Variants in IQCB1 observed in about 807,000 individuals in gnomAD.
The protein encoded by IQCB1 is IQ motif containing B1.
IQCB1 carries 56 observed loss-of-function variants against 84.4 expected under a neutral mutation model. The observed-to-expected ratio is 0.66, with a 90% CI of 0.54 to 0.83. The LOEUF (loss-of-function observed/expected upper bound fraction) is 0.83. Ranked by LOEUF, IQCB1 falls within the 40% of genes least tolerant of loss-of-function variation. IQCB1 has a pLI of 0.00. For synonymous variants in IQCB1, 210 were observed against 234.8 expected, an observed-to-expected ratio of 0.89 and a Z score of 0.96; for missense variants, 629 against 682.1, an observed-to-expected ratio of 0.92 and a Z score of 0.87.
rs187562809 is a variant in IQCB1 at position 121,829,493 on chromosome 3, C to A, written c.-12-521G>T. On this transcript the variant is annotated intron_variant, in intron 2 of 14. Transcript: ENST00000310864. ...TTTATGAAAAACAATGTGGTTCATG[C>A]TGAATACCCGCCTTCCTTCCAGGAG... Among the ~76,000 whole-genome samples, 3 of 152,326 alleles carry A rather than the reference C, an allele frequency of 2.0e-5. No homozygotes were observed. In the East Asian group the frequency reaches 5.8e-4, roughly 29 times the overall value.
intron 12 of IQCB1, among the ~76,000 whole-genome samples, chr3:121,783,637 T>A (rs1948593322): frequency 1.3e-5 from 2 of 152,216 alleles, no homozygotes; most frequent in Admixed American, 1.3e-4. Context: ...AGCCATTCTA[T>A]CAAATTCATT....
At chr3:121,808,612 A>G (rs569389171) in intron 6 of IQCB1, among the ~76,000 whole-genome samples, 1 of 152,136 alleles carries the variant, frequency 6.6e-6, no homozygotes, top group South Asian at 2.1e-4. Flanking sequence ...TTTTAAACTT[A>G]AAAGTTATTT....
intron 13 of IQCB1, among the ~76,000 whole-genome samples, chr3:121,777,630 T>C (rs922431655): frequency 9.9e-5 from 15 of 152,210 alleles, no homozygotes; most frequent in Non-Finnish European, 2.2e-4. Context: ...CTGGTATCTT[T>C]TCCTGGCATC....
intron 5 of IQCB1, among the ~76,000 whole-genome samples, chr3:121,820,564 C>T (rs1290886234): frequency 6.6e-6 from 1 of 152,202 alleles, no homozygotes; most frequent in African/African-American, 2.4e-5. Flanking sequence ...CTCAATCCAA[C>T]TTCAATTCCA....
chr3:121,824,713 T>C (rs1950400363), intron 5 of IQCB1, among the ~76,000 whole-genome samples: 1 of 151,964 alleles, frequency 6.6e-6, no homozygotes, highest in Non-Finnish European at 1.5e-5. Context: ...CAGAGCTTTG[T>C]AATACATGAA....
At chr3:121,829,198 G>T (rs1358041309) in intron 2 of IQCB1, among the ~76,000 whole-genome samples, 1 of 152,154 alleles carries the variant, frequency 6.6e-6, no homozygotes, top group East Asian at 1.9e-4. Flanking sequence ...GCTATAGCAG[G>T]TATTGTTTAT....
At chr3:121,819,684 T>G (rs1174569033) in intron 5 of IQCB1, among the ~76,000 whole-genome samples, 1 of 152,156 alleles carries the variant, frequency 6.6e-6, no homozygotes, top group African/African-American at 2.4e-5. Context: ...AGAATGAGCA[T>G]ACCTGAAACA....
intron 5 of IQCB1, among the ~76,000 whole-genome samples, chr3:121,809,837 C>T (rs562910403): frequency 1.7e-4 from 26 of 151,452 alleles, no homozygotes; most frequent in African/African-American, 4.6e-4. Context: ...TGATGAGACC[C>T]GCAAAAATAT....
At chr3:121,783,680 T>C (rs942587292) in intron 12 of IQCB1, among the ~76,000 whole-genome samples, 1 of 152,192 alleles carries the variant, frequency 6.6e-6, no homozygotes, top group African/African-American at 2.4e-5. Flanking sequence ...CTTCCTGACC[T>C]GCTGTAATTT....
chr3:121,776,463 T>C (rs1948233197), intron 13 of IQCB1, among the ~76,000 whole-genome samples: 1 of 152,242 alleles, frequency 6.6e-6, no homozygotes, highest in African/African-American at 2.4e-5. Context: ...TCTTTTACAT[T>C]CCCCTAAGTG....
chr3:121,770,320 T>G lies in IQCB1; in HGVS notation c.*25A>C. 6.9e-7 allele frequency: 1 copy of G among 1,450,566 alleles called. No individual in the cohort carries two copies. The highest frequency in any genetic ancestry group is 9.7e-7 in the Non-Finnish European group (1 of 1,032,092). 89.9% of individuals were successfully genotyped at this position (1,450,566 alleles called of 1,614,324 possible). ...AATATAATCTCCTAAAATATGAGATTTGTGTCAATTCTTAGGGTTACTCAC... is the reference window on the plus strand; with the variant it reads ...AATATAATCTCCTAAAATATGAGATGTGTGTCAATTCTTAGGGTTACTCAC... On this transcript the variant is annotated 3_prime_UTR_variant, in exon 15 of 15. Coordinates refer to ENST00000310864, the MANE Select transcript of IQCB1 (RefSeq NM_001023570.4).
chr3:121,814,013 A>C (rs915038618), intron 5 of IQCB1, among the ~76,000 whole-genome samples: 8 of 152,224 alleles, frequency 5.3e-5, no homozygotes, highest in Admixed American at 4.6e-4. Flanking sequence ...AATCGACCAC[A>C]TAATTGGAAG....
chr3:121,830,329 T>C (rs1040764469), intron 2 of IQCB1, among the ~76,000 whole-genome samples: 1 of 151,860 alleles, frequency 6.6e-6, no homozygotes, highest in African/African-American at 2.4e-5. Flanking sequence ...GTAAAAAAAG[T>C]TTAAGGCTGA....
intron 5 of IQCB1, among the ~76,000 whole-genome samples, chr3:121,812,758 A>G (rs1003870639): frequency 2.0e-5 from 3 of 152,208 alleles, no homozygotes; most frequent in African/African-American, 7.2e-5. Context: ...CCTCCAAGGA[A>G]TATGGAACTA....
intron 12 of IQCB1, among the ~76,000 whole-genome samples, chr3:121,786,491 T>C (rs914355147): frequency 4.0e-5 from 4 of 99,316 alleles, no homozygotes; most frequent in Non-Finnish European, 8.3e-5. Context: ...AGTGAGACCA[T>C]GTCTCTTAAA....
chr3:121,789,598 T>C (rs1055817306), intron 11 of IQCB1, among the ~76,000 whole-genome samples: 13 of 152,148 alleles, frequency 8.5e-5, no homozygotes, highest in Non-Finnish European at 1.5e-4. Context: ...AGAAGACAGG[T>C]AAAATAATTT....
chr3:121,834,976 C>A lies in IQCB1; in HGVS notation c.-112G>T. ...CCTCAGATAAGTTACCTCATCCTCG[C>A]TTCGCGTTCTTCCACTAAAGAACCT... On this transcript the variant is annotated 5_prime_UTR_variant, in exon 1 of 15. Coordinates refer to ENST00000310864, the MANE Select transcript of IQCB1 (RefSeq NM_001023570.4). 1 of 460,888 alleles carries A rather than the reference C, an allele frequency of 2.2e-6. No individual in the cohort carries two copies. The highest frequency in any genetic ancestry group is 2.0e-5 in the African/African-American group (1 of 49,324). 28.5% of individuals were successfully genotyped at this position (460,888 alleles called of 1,614,324 possible). A position where few individuals can be genotyped will look rare whatever the true frequency, so the allele number is the denominator to read the frequency against.
chr3:121,823,418 C>T (rs1005236729), intron 5 of IQCB1, among the ~76,000 whole-genome samples: 3 of 151,888 alleles, frequency 2.0e-5, no homozygotes, highest in African/African-American at 7.3e-5. Context: ...GAAAATAAAA[C>T]AAAATAAACC....
At chr3:121,834,846 G>C (rs1040604303) in intron 1 of IQCB1, 120 bp downstream of exon 1, 5 of 249,322 alleles carry the variant, frequency 2.0e-5, no homozygotes, top group Non-Finnish European at 1.6e-5. Flanking sequence ...AGGGCAGGCC[G>C]ATTCTCCCGT....
Sources: allele counts gnomAD v4.1 joint callset (sites outside exome capture counted in the v4.1 genomes callset), GRCh38; gene constraint gnomAD v4.1.1; transcripts MANE v1.5; gene names NCBI Gene and HGNC (gene_info 2026-07-23, HGNC 2026-07-21).